ITPKA: variants seen among roughly 807,000 people sequenced by gnomAD.
ITPKA encodes the protein IP3 3-kinase A.
ITPKA carries 16 observed loss-of-function variants against 40.7 expected under a neutral mutation model. The observed-to-expected ratio is 0.39, with a 90% CI of 0.27 to 0.60. The LOEUF (loss-of-function observed/expected upper bound fraction) is 0.60. Among genes scored for constraint, ITPKA ranks in the 20% least tolerant of loss-of-function variants. The pLI, the probability that ITPKA is intolerant of heterozygous loss-of-function variation, is 0.50. For missense variants in ITPKA, 540 were observed against 649.3 expected (o/e 0.83, Z 1.83); for synonymous variants, 313 against 289.9 (o/e 1.08, Z -0.81).
In ITPKA at chr15:41,497,703, C is replaced by T. The variant is rs570617753; in HGVS notation, c.489+3287C>T. Among the ~76,000 whole-genome samples, 95 of 152,190 alleles carry T rather than the reference C, an allele frequency of 6.2e-4. 1 individual carries two copies. The highest frequency in any genetic ancestry group is 2.2e-3 in the African/African-American group (93 of 41,508). ...CAACCTCAGGTGGTAGGACGGAGGA[C>T]TCAGATGAGATAATAGGTATGAAAA... is the stretch of plus-strand genomic sequence containing the variant. On this transcript the variant is annotated intron_variant, in intron 1 of 6. Coordinates refer to ENST00000260386, the MANE Select transcript of ITPKA (RefSeq NM_002220.3).
At position 41,502,208 on chromosome 15, in the gene ITPKA, C is replaced by T. The variant is rs1007597563; in HGVS notation, c.1008+7C>T. ...CCGCATCGAGGGCATCAAGGTGAGGCAGGCGCGCTTCGCTGGCACCGCCGC... is the reference window on the plus strand; with the variant it reads ...CCGCATCGAGGGCATCAAGGTGAGGTAGGCGCGCTTCGCTGGCACCGCCGC... On this transcript the variant is annotated splice_region_variant and intron_variant, in intron 4 of 6. Transcript: ENST00000260386. 2.6e-6 allele frequency: 4 copies of T among 1,561,872 alleles called. No homozygotes were observed. The highest frequency in any genetic ancestry group is 3.5e-6 in the Non-Finnish European group (4 of 1,152,196).
chr15:41,503,309 G>A lies in ITPKA; in HGVS notation c.*143G>A. The A allele has an allele frequency of 1.5e-6, 1 of 659,738 alleles. No homozygotes were observed. Among genetic ancestry groups the A allele is most frequent in the Non-Finnish European group, 2.6e-6 (1 of 390,852 alleles). 40.9% of individuals were successfully genotyped at this position (659,738 alleles called of 1,614,324 possible). ...TGCAGGACCAGGTGCCAGCCACTAA[G>A]GGGGGGCACCGCCGATGCCAGGGGT... On this transcript the variant is annotated 3_prime_UTR_variant, in exon 7 of 7. Transcript: ENST00000260386.
chr15:41,501,380 G>A, intron 1 of ITPKA, 83 bp from the exon 2 acceptor site: 2 of 1,529,906 alleles, frequency 1.3e-6, no homozygotes, highest in South Asian at 2.5e-5. Context: ...GGTCGGGGGC[G>A]TGGCGAGACC....
rs1252189630 is a variant in ITPKA, at chr15:41,503,250, G to GGAGC, written c.*85_*88dup. On this transcript the variant is annotated 3_prime_UTR_variant, in exon 7 of 7. Transcript: ENST00000260386. ...CCACTGTGCATGCCGGCTTGAGACT[G>GGAGC]GAGCCCCGCGGTGCAGGGCAGTTCA... The GGAGC allele has an allele frequency of 2.9e-6, 3 of 1,032,718 alleles. No individual in the cohort carries two copies. Among genetic ancestry groups the GGAGC allele is most frequent in the Non-Finnish European group, 4.2e-6 (3 of 716,158 alleles). 64.0% of individuals were successfully genotyped at this position (1,032,718 alleles called of 1,614,324 possible).
At chr15:41,496,440 G>A (rs970290389) in intron 1 of ITPKA, among the ~76,000 whole-genome samples, 2 of 152,230 alleles carry the variant, frequency 1.3e-5, no homozygotes, top group African/African-American at 2.4e-5. Context: ...CCTGCCCAGA[G>A]CAGGGAAATT....
chr15:41,502,272 C>CGCCCCGCCT (rs1456100586), intron 4 of ITPKA, 71 bp downstream of exon 4: 2 of 1,366,380 alleles, frequency 1.5e-6, no homozygotes, highest in African/African-American at 2.8e-5. Flanking sequence ...CCCCCGCTCC[C>CGCCCCGCCT]GCCCCGCCTG....
chr15:41,499,169 T>A (rs1480647385), intron 1 of ITPKA, among the ~76,000 whole-genome samples: 1 of 152,150 alleles, frequency 6.6e-6, no homozygotes, highest in African/African-American at 2.4e-5. Context: ...AAACTTGGAT[T>A]TATTATGCAG....
Position 41,502,489 on chromosome 15 carries a change from G to A in ITPKA, c.1096G>A (p.Asp366Asn). ...LRVFEEFVQG[D>N]EEVLRRYLNR... is the part of the protein sequence containing the mutation. ...CGTCTTTGAAGAGTTTGTGCAAGGA[G>A]ATGAGGAAGTGCTGGTGAGAGCGGG... The change falls in exon 5 of 7, where the codon GAT becomes AAT. Residue 366 changes from aspartate (D) to asparagine (N), a missense_variant. By Grantham distance (23) the Asp-to-Asn change is conservative. Coordinates refer to ENST00000260386, the MANE Select transcript of ITPKA (RefSeq NM_002220.3). The A allele has an allele frequency of 6.3e-7, 1 of 1,585,368 alleles. No homozygotes were observed. Among genetic ancestry groups the A allele is most frequent in the Non-Finnish European group, 8.7e-7 (1 of 1,154,824 alleles).
At chr15:41,497,039 C>A (rs2051077482) in intron 1 of ITPKA, among the ~76,000 whole-genome samples, 1 of 152,154 alleles carries the variant, frequency 6.6e-6, no homozygotes, top group African/African-American at 2.4e-5. Flanking sequence ...GTGTATCTGG[C>A]ATGAGCAGGT....
intron 1 of ITPKA, among the ~76,000 whole-genome samples, chr15:41,498,601 C>G (rs1403003041): frequency 6.6e-6 from 1 of 152,194 alleles, no homozygotes; most frequent in Non-Finnish European, 1.5e-5. Context: ...GGCAAGTTTC[C>G]TCTTCACTAA....
rs779238693 is a variant in ITPKA, at chr15:41,501,480, G to A, written c.507G>A (p.Lys169=). 8 of 1,608,534 alleles carry A rather than the reference G, an allele frequency of 5.0e-6. No individual in the cohort carries two copies. Among genetic ancestry groups the A allele is most frequent in the Non-Finnish European group, 6.8e-6 (8 of 1,178,000 alleles). Reference sequence around the variant, plus strand: ...GCTTTCAGAAAAACCACTGGCAGAAGATCCGGACCATGGTCAATCTGCCGG... The same window carrying A: ...GCTTTCAGAAAAACCACTGGCAGAAAATCCGGACCATGGTCAATCTGCCGG... ...EDVGQKNHWQ[K]IRTMVNLPVI... is the part of the protein sequence containing the mutation. Residue 169 remains lysine (K), a synonymous_variant, in exon 2 of 7, where the codon AAG becomes AAA. Coordinates refer to ENST00000260386, the MANE Select transcript of ITPKA (RefSeq NM_002220.3).
Position 41,494,209 on chromosome 15 carries a change from C to T in ITPKA, c.282C>T (p.Thr94=). The change falls in exon 1 of 7, where the codon ACC becomes ACT. Residue 94 remains threonine, a synonymous_variant. Transcript: ENST00000260386. This position sits in a 1 kb window ranked among gnomAD's most constrained non-coding sequence, Gnocchi z 7.8. ...VTAEEPDVPP[T]SPGPPERERD... is the part of the protein sequence containing the mutation. ...CCGAGGAGCCCGACGTGCCCCCGACCAGCCCTGGGCCGCCGGAGCGGGAGA... is the reference window on the plus strand; with the variant it reads ...CCGAGGAGCCCGACGTGCCCCCGACTAGCCCTGGGCCGCCGGAGCGGGAGA... 6.5e-7 allele frequency: 1 copy of T among 1,528,272 alleles called. No individual in the cohort carries two copies. Among genetic ancestry groups the T allele is most frequent in the South Asian group, 1.2e-5 (1 of 82,240 alleles). The allele number at this position is 1,528,272 out of a possible 1,614,324, so 94.7% of individuals were successfully genotyped here. A position where few individuals can be genotyped will look rare whatever the true frequency, so the allele number is the denominator to read the frequency against.
chr15:41,502,132 G>T lies in ITPKA; in HGVS notation c.939G>T (p.Pro313=), dbSNP rs1180077043. 1.9e-6 allele frequency: 3 copies of T among 1,609,646 alleles called. No individual in the cohort carries two copies. Among genetic ancestry groups the T allele is most frequent in the African/African-American group, 1.3e-5 (1 of 75,028 alleles). The change falls in exon 4 of 7, where the codon CCG becomes CCT. Residue 313 remains proline (P), a synonymous_variant. Transcript: ENST00000260386. The part of the protein sequence containing the change: ...EEHAQRAVTK[P]RYMQWREGIS... ...ACGCGCAGCGCGCCGTCACCAAGCC[G>T]CGCTACATGCAGTGGCGGGAAGGCA...
Position 41,502,035 on chromosome 15 carries a change from G to A in ITPKA, c.842G>A (p.Arg281Gln), listed in dbSNP as rs1321707987. The A allele has an allele frequency of 1.9e-6, 3 of 1,613,320 alleles. No individual in the cohort carries two copies. The highest frequency in any genetic ancestry group is 1.1e-5 in the South Asian group (1 of 91,074). ...LEEELTKARE[R>Q]PKLRKDMYKK... ...GAGGAGCTGACCAAGGCCCGTGAGC[G>A]GCCCAAGCTGCGGAAGGACATGTAC... is the stretch of plus-strand genomic sequence containing the variant. The change falls in exon 4 of 7, where the codon CGG becomes CAG. Residue 281 changes from arginine to glutamine, a missense_variant. Arg to Gln is a conservative substitution (Grantham distance 43). Transcript: ENST00000260386.
In ITPKA at chr15:41,502,491, T is replaced by C; in HGVS notation, c.1098T>C (p.Asp366=). 6.3e-7 allele frequency: 1 copy of C among 1,581,252 alleles called. No homozygotes were observed. Among genetic ancestry groups the C allele is most frequent in the Non-Finnish European group, 8.7e-7 (1 of 1,151,132 alleles). ...TCTTTGAAGAGTTTGTGCAAGGAGA[T>C]GAGGAAGTGCTGGTGAGAGCGGGAT... The part of the protein sequence containing the change: ...LRVFEEFVQG[D]EEVLRRYLNR... The change falls in exon 5 of 7, where the codon GAT becomes GAC. Residue 366 remains aspartate, a synonymous_variant. Transcript: ENST00000260386.
intron 1 of ITPKA, among the ~76,000 whole-genome samples, chr15:41,495,355 C>A (rs1258376949): frequency 6.6e-5 from 10 of 152,222 alleles, no homozygotes; most frequent in African/African-American, 2.4e-4. Context: ...AGGGGCGCCC[C>A]CGGCCTCGGG....
chr15:41,495,403 G>C (rs1226635805), intron 1 of ITPKA, among the ~76,000 whole-genome samples: 1 of 152,226 alleles, frequency 6.6e-6, no homozygotes, highest in African/African-American at 2.4e-5. Context: ...TCGGCGCGGC[G>C]GGGCGGGGAG....
In ITPKA at chr15:41,503,190, C is replaced by A. The variant is rs1400424588; in HGVS notation, c.*24C>A. The A allele has an allele frequency of 6.6e-7, 1 of 1,521,426 alleles. No homozygotes were observed. Among genetic ancestry groups the A allele is most frequent in the Admixed American group, 1.8e-5 (1 of 54,308 alleles). 94.2% of individuals were successfully genotyped at this position (1,521,426 alleles called of 1,614,324 possible). A position where few individuals can be genotyped will look rare whatever the true frequency, so the allele number is the denominator to read the frequency against. On this transcript the variant is annotated 3_prime_UTR_variant, in exon 7 of 7. Coordinates refer to ENST00000260386, the MANE Select transcript of ITPKA (RefSeq NM_002220.3). ...GAGGCTGGACTCCTGTCCCCGCGGGCCGCTCACCTGACATGTGGACCTGCA... is the reference window on the plus strand; with the variant it reads ...GAGGCTGGACTCCTGTCCCCGCGGGACGCTCACCTGACATGTGGACCTGCA...
Position 41,501,723 on chromosome 15 carries a change from C to T in ITPKA, c.675C>T (p.Asp225=). ...ERYCLARLMA[D]ALRGCVPAFH... Reference sequence around the variant, plus strand: ...ACTGCCTGGCGCGGCTGATGGCTGACGCGCTGCGCGGCTGCGTGCCTGCCT... The same window carrying T: ...ACTGCCTGGCGCGGCTGATGGCTGATGCGCTGCGCGGCTGCGTGCCTGCCT... Residue 225 remains aspartate (D), a synonymous_variant, in exon 3 of 7, where the codon GAC becomes GAT. Transcript: ENST00000260386. The T allele has an allele frequency of 6.2e-7, 1 of 1,611,446 alleles. No individual in the cohort carries two copies. The highest frequency in any genetic ancestry group is 8.5e-7 in the Non-Finnish European group (1 of 1,179,400).
Sources: allele counts gnomAD v4.1 joint callset (sites outside exome capture counted in the v4.1 genomes callset), GRCh38; gene constraint gnomAD v4.1.1; non-coding constraint Gnocchi (gnomAD v3.1); transcripts MANE v1.5; gene names NCBI Gene and HGNC (gene_info 2026-07-23, HGNC 2026-07-21).